Variants in PCLO observed in about 807,000 individuals in gnomAD.
The protein encoded by PCLO is protein piccolo.
Under a neutral mutation model 427.5 loss-of-function variants are expected in PCLO, and 82 were observed. The ratio of observed to expected loss-of-function variants is 0.19; its 90% CI spans 0.16 to 0.23. The LOEUF (loss-of-function observed/expected upper bound fraction) is 0.23. Among genes scored for constraint, PCLO ranks in the 10% least tolerant of loss-of-function variants. PCLO has a pLI of 1.00. For synonymous variants in PCLO, 2,357 were observed against 2,155.4 expected, an observed-to-expected ratio of 1.09 and a Z score of -2.59; for missense variants, 6,239 against 6,115.9, an observed-to-expected ratio of 1.02 and a Z score of -0.67.
At chr7:82,935,733 A>G (rs143801249) in intron 6 of PCLO, among the ~76,000 whole-genome samples, 1 of 151,782 alleles carries the variant, frequency 6.6e-6, no homozygotes, top group African/African-American at 2.4e-5. Flanking sequence ...ACTTCATTTC[A>G]ATGAAGACAG....
intron 2 of PCLO, among the ~76,000 whole-genome samples, chr7:83,138,433 G>A: frequency 6.6e-6 from 1 of 152,076 alleles, no homozygotes; most frequent in Non-Finnish European, 1.5e-5. Context: ...GGCCAACATG[G>A]GCAGATCTCC....
intron 3 of PCLO, among the ~76,000 whole-genome samples, chr7:83,033,255 G>A (rs541042077): frequency 6.6e-6 from 1 of 152,242 alleles, no homozygotes; most frequent in African/African-American, 2.4e-5. Context: ...AAGGCAATCA[G>A]ACTGATTTGA....
intron 3 of PCLO, among the ~76,000 whole-genome samples, chr7:83,116,766 C>G (rs892296325): frequency 2.6e-5 from 4 of 152,162 alleles, no homozygotes; most frequent in African/African-American, 9.7e-5. Flanking sequence ...GTATCCTTAA[C>G]TAACATCTCC....
chr7:83,091,570 C>T (rs1790378776), intron 3 of PCLO, among the ~76,000 whole-genome samples: 1 of 152,090 alleles, frequency 6.6e-6, no homozygotes, highest in African/African-American at 2.4e-5. Context: ...TAATCAACTG[C>T]CAATTTGTAT....
Position 82,999,851 on chromosome 7 carries a change from A to G in PCLO, c.3301-33364T>C, listed in dbSNP as rs185747579. Among the ~76,000 whole-genome samples, 6 of 16,952 alleles carry G rather than the reference A, an allele frequency of 3.5e-4. 2 individuals carry two copies. In the African/African-American group the frequency reaches 4.8e-3, roughly 13 times the overall value. 11.1% of individuals were successfully genotyped at this position (16,952 alleles called of 152,430 possible). A position where few individuals can be genotyped will look rare whatever the true frequency, so the allele number is the denominator to read the frequency against. On this transcript the variant is annotated intron_variant, in intron 3 of 24. Coordinates refer to ENST00000333891, the MANE Select transcript of PCLO (RefSeq NM_033026.6). ...TAATATTAAATATAAAATATAATAT[A>G]TAATATTATATAAAATATAATATAT...
chr7:82,814,823 TGA>T (rs1399684483), intron 20 of PCLO, among the ~76,000 whole-genome samples: 1 of 151,906 alleles, frequency 6.6e-6, no homozygotes, highest in Non-Finnish European at 1.5e-5. Flanking sequence ...TGCAGATCCC[TGA>T]AAGGGTTTCT....
At chr7:82,930,688 A>G (rs1425895662) in intron 6 of PCLO, among the ~76,000 whole-genome samples, 1 of 152,098 alleles carries the variant, frequency 6.6e-6, no homozygotes, top group East Asian at 1.9e-4. Context: ...CTCCTTATGT[A>G]ATTTGTTTTT....
At chr7:83,043,912 C>CTTTTCTTT (rs1789033893) in intron 3 of PCLO, among the ~76,000 whole-genome samples, 38 of 94,868 alleles carry the variant, frequency 4.0e-4, no homozygotes, top group Non-Finnish European at 6.6e-4. Context: ...CTATTATTTT[C>CTTTTCTTT]TTTTTTTTTT....
intron 4 of PCLO, among the ~76,000 whole-genome samples, chr7:82,965,021 A>G (rs529134389): frequency 6.6e-6 from 1 of 152,304 alleles, no homozygotes; most frequent in African/African-American, 2.4e-5. Context: ...AAGATCTCTT[A>G]CAGCTCCAAA....
In PCLO at chr7:83,156,031, C is replaced by T; in HGVS notation, c.610G>A (p.Glu204Lys). Residue 204 changes from glutamate (E) to lysine (K), a missense_variant, in exon 2 of 25, where the codon GAA (glutamate) becomes AAA (lysine). By Grantham distance (56) the Glu-to-Lys change is moderately conservative. Transcript: ENST00000333891. The part of the protein sequence containing the change: ...KVVQKEQGKP[E>K]GIIKPPLQQQ... The stretch of plus-strand genomic sequence containing the variant: ...TGTAAAGGAGGTTTTATGATTCCTT[C>T]AGGTTTTCCTTGCTCCTTCTGAACC... 6.2e-7 allele frequency: 1 copy of T among 1,613,182 alleles called. No individual in the cohort carries two copies. Among genetic ancestry groups the T allele is most frequent in the East Asian group, 2.2e-5 (1 of 44,810 alleles).
intron 9 of PCLO, among the ~76,000 whole-genome samples, chr7:82,883,363 C>T (rs567329690): frequency 2.0e-5 from 3 of 152,200 alleles, no homozygotes; most frequent in African/African-American, 4.8e-5. Flanking sequence ...ACTGACTTAT[C>T]TCTGTGTTAC....
chr7:83,116,962 T>G (rs553461859), intron 3 of PCLO, among the ~76,000 whole-genome samples: 3 of 152,268 alleles, frequency 2.0e-5, no homozygotes, highest in Admixed American at 1.3e-4. Flanking sequence ...GATGAATGAA[T>G]AAAGAAAATG....
intron 10 of PCLO, among the ~76,000 whole-genome samples, chr7:82,876,164 T>A (rs1351647411): frequency 6.6e-6 from 1 of 152,138 alleles, no homozygotes; most frequent in African/African-American, 2.4e-5. Flanking sequence ...TATTTACATA[T>A]GTATAATTTT....
chr7:82,851,633 T>C (rs1345750555), intron 10 of PCLO, among the ~76,000 whole-genome samples: 1 of 151,666 alleles, frequency 6.6e-6, no homozygotes, highest in Non-Finnish European at 1.5e-5. Flanking sequence ...CCAAACCTAA[T>C]TTAAAAATGT....
chr7:82,954,056 G>A lies in PCLO; in HGVS notation c.6897C>T (p.Asp2299=), dbSNP rs1795440759. Residue 2299 remains aspartate, a synonymous_variant, in exon 5 of 25, where the codon GAC becomes GAT. Transcript: ENST00000333891. ...TTTCCTTCTTGGCTTTCTTCACTGGGTCCTTTTCAGATATAAGTAAGTCAG... is the reference window on the plus strand; with the variant it reads ...TTTCCTTCTTGGCTTTCTTCACTGGATCCTTTTCAGATATAAGTAAGTCAG... ...VSTDLLISEK[D]PVKKAKKETG... The A allele has an allele frequency of 2.5e-6, 4 of 1,613,582 alleles. No homozygotes were observed. Among genetic ancestry groups the A allele is most frequent in the African/African-American group, 1.3e-5 (1 of 74,820 alleles).
chr7:83,091,775 T>C (rs764560001), intron 3 of PCLO, among the ~76,000 whole-genome samples: 1 of 152,212 alleles, frequency 6.6e-6, no homozygotes, highest in African/African-American at 2.4e-5. Flanking sequence ...TTATCCATAC[T>C]AGTAAGCCAA....
intron 10 of PCLO, among the ~76,000 whole-genome samples, chr7:82,850,346 G>T (rs2522842): frequency 0.39 from 59,242 of 151,970 alleles, 12,678 homozygotes; most frequent in East Asian, 0.7. Flanking sequence ...ACAGTCTGGA[G>T]TTTTGCTGAA....
At chr7:83,135,788 T>A in intron 2 of PCLO, 132 bp from the exon 3 acceptor site, 1 of 573,882 alleles carries the variant, frequency 1.7e-6, no homozygotes, top group South Asian at 2.7e-5. Flanking sequence ...GAAAATTATT[T>A]TAATAAATTG....
At position 82,987,580 on chromosome 7, in the gene PCLO, C is replaced by T. The variant is rs958323137; in HGVS notation, c.3301-21093G>A. Among the ~76,000 whole-genome samples, 12 of 152,042 alleles carry T rather than the reference C, an allele frequency of 7.9e-5. No homozygotes were observed. The South Asian group carries it at 1.9e-3, about 24-fold the overall frequency. ...TTGGCATCAAGCAGTAGACTCCTAACGTGCAATTTTAAATAGTACTAAGTT... is the reference window on the plus strand; with the variant it reads ...TTGGCATCAAGCAGTAGACTCCTAATGTGCAATTTTAAATAGTACTAAGTT... On this transcript the variant is annotated intron_variant, in intron 3 of 24. Coordinates refer to ENST00000333891, the MANE Select transcript of PCLO (RefSeq NM_033026.6).
Sources: gnomAD v4.1 joint callset for allele counts (sites outside exome capture counted in the v4.1 genomes callset) on GRCh38, gnomAD v4.1.1 for gene constraint, MANE v1.5 for transcripts, NCBI Gene and HGNC (gene_info 2026-07-23, HGNC 2026-07-21) for gene names.